Variants in GABRB2 observed in about 807,000 individuals in gnomAD.
The protein encoded by GABRB2 is gamma-aminobutyric acid type A receptor subunit beta2.
GABRB2 carries 16 observed loss-of-function variants against 54.7 expected under a neutral mutation model. That is an observed-to-expected ratio of 0.29 (90% CI 0.20 to 0.44). The LOEUF is 0.44. GABRB2 is among the 20% of genes least tolerant of loss of function. GABRB2 has a pLI of 1.00. For synonymous variants in GABRB2, 244 were observed against 233.8 expected (o/e 1.04, Z -0.40); for missense variants, 355 against 644.0 (o/e 0.55, Z 4.86).
intron 5 of GABRB2, among the ~76,000 whole-genome samples, chr5:161,339,395 A>G (rs892804534): frequency 4.6e-5 from 7 of 152,202 alleles, no homozygotes; most frequent in South Asian, 2.1e-4. Context: ...AGACAGCTAA[A>G]GCCTCTACTT....
intron 3 of GABRB2, among the ~76,000 whole-genome samples, chr5:161,498,517 T>A (rs1487694488): frequency 2.0e-5 from 3 of 152,140 alleles, no homozygotes; most frequent in Non-Finnish European, 2.9e-5. Context: ...TTCTTGCAGG[T>A]ACCCCTTTTC....
At chr5:161,420,176 C>A (rs1756806655) in intron 4 of GABRB2, among the ~76,000 whole-genome samples, 1 of 151,922 alleles carries the variant, frequency 6.6e-6, no homozygotes, top group Non-Finnish European at 1.5e-5. Context: ...AGAGTCATAC[C>A]ATTTCAGAAC....
Position 161,401,344 on chromosome 5 carries a change from T to G in GABRB2, c.541+9631A>C, listed in dbSNP as rs562685167. 5.3e-4 allele frequency among the ~76,000 whole-genome samples: 80 copies of G among 152,360 alleles called. No homozygotes were observed. In the Middle Eastern group the frequency reaches 0.01, roughly 19 times the overall value. On this transcript the variant is annotated intron_variant, in intron 5 of 9. Transcript: ENST00000393959. ...TACAAAAATAACTATATTTCAATTCTAAATGTACTTGGGGTCCCCTTTACA... is the reference window on the plus strand; with the variant it reads ...TACAAAAATAACTATATTTCAATTCGAAATGTACTTGGGGTCCCCTTTACA...
At chr5:161,502,951 T>C (rs1418452244) in intron 3 of GABRB2, among the ~76,000 whole-genome samples, 1 of 152,130 alleles carries the variant, frequency 6.6e-6, no homozygotes, top group African/African-American at 2.4e-5. Flanking sequence ...TTTCTGGAGA[T>C]GTGTGAGCTG....
At chr5:161,309,260 T>G (rs1299092878) in intron 9 of GABRB2, among the ~76,000 whole-genome samples, 1 of 152,130 alleles carries the variant, frequency 6.6e-6, no homozygotes, top group Admixed American at 6.5e-5. Flanking sequence ...GAAAAAAAGC[T>G]TTACATCACT....
chr5:161,415,614 CT>C (rs1756641884), intron 4 of GABRB2, among the ~76,000 whole-genome samples: 1 of 151,854 alleles, frequency 6.6e-6, no homozygotes, highest in Non-Finnish European at 1.5e-5. Context: ...TGTTTGTTTG[CT>C]TTTGTTTTTT....
At chr5:161,430,481 T>G (rs1757144301) in intron 4 of GABRB2, among the ~76,000 whole-genome samples, 1 of 152,094 alleles carries the variant, frequency 6.6e-6, no homozygotes, top group Admixed American at 6.6e-5. Context: ...CACTTAGACT[T>G]GGGGACAAAC....
At chr5:161,322,707 A>G (rs923190311) in intron 9 of GABRB2, among the ~76,000 whole-genome samples, 1 of 152,170 alleles carries the variant, frequency 6.6e-6, no homozygotes, top group African/African-American at 2.4e-5. Context: ...ATTTTTATCC[A>G]TACAACTTTT....
chr5:161,362,928 T>C lies in GABRB2; in HGVS notation c.542-26159A>G, dbSNP rs1754856599. On this transcript the variant is annotated intron_variant, in intron 5 of 9. Transcript: ENST00000393959. ...AATAGGAATGCTTTTACACTGTTGA[T>C]GGGAGTGTAAATTAGTTCAAACATT... Among the ~76,000 whole-genome samples, 3 of 152,160 alleles carry C rather than the reference T, an allele frequency of 2.0e-5. No homozygotes were observed. The South Asian group carries it at 6.2e-4, about 32-fold the overall frequency.
Position 161,497,799 on chromosome 5 carries a change from A to G in GABRB2, c.238-37955T>C, listed in dbSNP as rs144024601. Among the ~76,000 whole-genome samples the G allele has an allele frequency of 4.8e-3, 732 of 152,250 alleles. 6 individuals carry two copies. Among genetic ancestry groups the G allele is most frequent in the African/African-American group, 0.016 (674 of 41,564 alleles). On this transcript the variant is annotated intron_variant, in intron 3 of 9. Coordinates refer to ENST00000393959, the MANE Select transcript of GABRB2 (RefSeq NM_001371727.1). ...AAAGGAGACAGAGAGGCCTTGGGGC[A>G]TTCATTTCATCTTCAGCTAGGATGC...
chr5:161,420,563 C>G (rs996300402), intron 4 of GABRB2, among the ~76,000 whole-genome samples: 8 of 152,292 alleles, frequency 5.3e-5, no homozygotes, highest in Middle Eastern at 3.4e-3. Context: ...TTGTCTCCCT[C>G]TGCAAAACGT....
chr5:161,413,277 T>A (rs146280885), intron 4 of GABRB2, among the ~76,000 whole-genome samples: 1,574 of 152,248 alleles, frequency 0.01, 34 homozygotes, highest in South Asian at 0.05. Flanking sequence ...TCTCTTTTTT[T>A]AATTTAAAAT....
At chr5:161,453,646 A>G (rs1032739045) in intron 4 of GABRB2, among the ~76,000 whole-genome samples, 7 of 152,318 alleles carry the variant, frequency 4.6e-5, no homozygotes, top group African/African-American at 1.7e-4. Context: ...GTATTTTATT[A>G]TAGTGCCCAA....
chr5:161,336,624 A>T lies in GABRB2; in HGVS notation c.679+8T>A, dbSNP rs1188818941. On this transcript the variant is annotated splice_region_variant and intron_variant, in intron 6 of 9. Coordinates refer to ENST00000393959, the MANE Select transcript of GABRB2 (RefSeq NM_001371727.1). ...TATTTTCCCTTAACACTTTTCCATG[A>T]TACAAACCTGTGGAAAAAACAACCT... is the stretch of plus-strand genomic sequence containing the variant. 3 of 1,612,626 alleles carry T rather than the reference A, an allele frequency of 1.9e-6. No individual in the cohort carries two copies. Among genetic ancestry groups the T allele is most frequent in the Non-Finnish European group, 2.5e-6 (3 of 1,179,252 alleles).
At chr5:161,456,414 C>G (rs1757957134) in intron 4 of GABRB2, among the ~76,000 whole-genome samples, 1 of 152,166 alleles carries the variant, frequency 6.6e-6, no homozygotes, top group African/African-American at 2.4e-5. Context: ...CAGAATAAAG[C>G]CTGTACTTAT....
At chr5:161,527,670 T>C (rs530166141) in intron 3 of GABRB2, among the ~76,000 whole-genome samples, 1 of 151,218 alleles carries the variant, frequency 6.6e-6, no homozygotes, top group Non-Finnish European at 1.5e-5. Context: ...ATAAATGACA[T>C]AAAAAGGCAA....
chr5:161,355,511 G>T (rs1294817017), intron 5 of GABRB2, among the ~76,000 whole-genome samples: 5 of 151,312 alleles, frequency 3.3e-5, no homozygotes, highest in Non-Finnish European at 7.4e-5. Flanking sequence ...AATGTCATAG[G>T]CATTGCATAT....
chr5:161,309,923 G>A (rs1256942311), intron 9 of GABRB2, among the ~76,000 whole-genome samples: 5 of 151,986 alleles, frequency 3.3e-5, no homozygotes, highest in African/African-American at 7.3e-5. Flanking sequence ...GAGCCACCGC[G>A]CCTGGCCCTA....
chr5:161,488,357 A>G (rs191987750), intron 3 of GABRB2, among the ~76,000 whole-genome samples: 120 of 151,776 alleles, frequency 7.9e-4, no homozygotes, highest in African/African-American at 2.7e-3. Context: ...GGGGCCAGTA[A>G]ACCTTGTTCC....
Sources: gnomAD v4.1 joint callset for allele counts (sites outside exome capture counted in the v4.1 genomes callset) on GRCh38, gnomAD v4.1.1 for gene constraint, MANE v1.5 for transcripts, NCBI Gene and HGNC (gene_info 2026-07-23, HGNC 2026-07-21) for gene names.